The following TCF7L1 variants were observed in gnomAD, a reference collection of about 807,000 sequenced individuals.
The protein encoded by TCF7L1 is transcription factor 7 like 1.
A neutral mutation model predicts 63.7 loss-of-function variants in TCF7L1; 18 were observed. That is an observed-to-expected ratio of 0.28 (90% CI 0.20 to 0.42). The LOEUF (loss-of-function observed/expected upper bound fraction) is 0.42, where lower values mean the gene tolerates loss of function less well. TCF7L1 is among the 10% of genes least tolerant of loss of function. TCF7L1 has a pLI of 1.00. For synonymous variants in TCF7L1, 355 were observed against 340.9 expected, an observed-to-expected ratio of 1.04 and a Z score of -0.46; for missense variants, 654 against 779.3, an observed-to-expected ratio of 0.84 and a Z score of 1.91.
intron 3 of TCF7L1, among the ~76,000 whole-genome samples, chr2:85,236,431 G>A (rs1680194322): frequency 6.6e-6 from 1 of 152,154 alleles, no homozygotes; most frequent in Non-Finnish European, 1.5e-5. Flanking sequence ...TCTGGTGTGG[G>A]TCAGATCCAG....
intron 3 of TCF7L1, among the ~76,000 whole-genome samples, chr2:85,282,967 T>C (rs888285326): frequency 6.6e-6 from 1 of 151,942 alleles, no homozygotes; most frequent in Non-Finnish European, 1.5e-5. Flanking sequence ...TGAGTTGGGG[T>C]AGATGTTGCC....
At chr2:85,186,130 C>T (rs1483550794) in intron 3 of TCF7L1, among the ~76,000 whole-genome samples, 1 of 152,020 alleles carries the variant, frequency 6.6e-6, no homozygotes, top group Non-Finnish European at 1.5e-5. Context: ...CCACGCCTGG[C>T]TAGTTTTTTG....
At chr2:85,153,089 A>T (rs1678057726) in intron 3 of TCF7L1, among the ~76,000 whole-genome samples, 1 of 152,240 alleles carries the variant, frequency 6.6e-6, no homozygotes, top group Non-Finnish European at 1.5e-5. Flanking sequence ...TTACATCATC[A>T]TCAATCAGGC....
At chr2:85,157,691 AG>A (rs1295993915) in intron 3 of TCF7L1, among the ~76,000 whole-genome samples, 1 of 152,258 alleles carries the variant, frequency 6.6e-6, no homozygotes, top group Non-Finnish European at 1.5e-5. Context: ...TGTCCCTAAG[AG>A]GCCCTGAGCT....
intron 3 of TCF7L1, among the ~76,000 whole-genome samples, chr2:85,168,656 C>G (rs1678475885): frequency 6.6e-6 from 1 of 151,974 alleles, no homozygotes; most frequent in Non-Finnish European, 1.5e-5. Flanking sequence ...GAGCCTCACT[C>G]TGTCACCCAG....
intron 3 of TCF7L1, among the ~76,000 whole-genome samples, chr2:85,226,972 C>G (rs550597024): frequency 2.0e-5 from 3 of 151,990 alleles, no homozygotes; most frequent in African/African-American, 7.3e-5. Context: ...CAAATAGCAC[C>G]GCTGCCGCCG....
At chr2:85,302,688 C>T in intron 5 of TCF7L1, 72 bp downstream of exon 5, 1 of 1,545,220 alleles carries the variant, frequency 6.5e-7, no homozygotes, top group Non-Finnish European at 8.7e-7. Flanking sequence ...ACATAACAGC[C>T]CTTGAATCAG....
intron 3 of TCF7L1, among the ~76,000 whole-genome samples, chr2:85,159,522 T>C (rs938006571): frequency 1.3e-5 from 2 of 152,224 alleles, no homozygotes; most frequent in African/African-American, 4.8e-5. Flanking sequence ...ATTGGCTGCC[T>C]GCACTTGGGA....
At chr2:85,214,404 G>A (rs1679644797) in intron 3 of TCF7L1, among the ~76,000 whole-genome samples, 1 of 152,240 alleles carries the variant, frequency 6.6e-6, no homozygotes, top group African/African-American at 2.4e-5. Flanking sequence ...GCCAGTGCCA[G>A]CCGATAGGAC....
At chr2:85,240,338 G>A (rs966675575) in intron 3 of TCF7L1, among the ~76,000 whole-genome samples, 2 of 152,262 alleles carry the variant, frequency 1.3e-5, no homozygotes, top group Non-Finnish European at 2.9e-5. Context: ...GATGAAGGAT[G>A]TTTTAAACCT....
At position 85,134,408 on chromosome 2, in the gene TCF7L1, G is replaced by A; in HGVS notation, c.399G>A (p.Pro133=). 1 of 1,566,558 alleles carries A rather than the reference G, an allele frequency of 6.4e-7. No individual in the cohort carries two copies. The highest frequency in any genetic ancestry group is 1.2e-5 in the South Asian group (1 of 85,316). ...TGATGATCCCGGACCTGAGCAGCCC[G>A]TACCTCTCCAACGGACCCCTGTCTC... The part of the protein sequence containing the change: ...PFLMIPDLSS[P]YLSNGPLSPG... The change falls in exon 3 of 12, where the codon CCG becomes CCA. Residue 133 remains proline, a synonymous_variant. Transcript: ENST00000282111. The surrounding 1 kb of genome is among the most constrained non-coding windows in gnomAD (Gnocchi z 5.0).
intron 3 of TCF7L1, among the ~76,000 whole-genome samples, chr2:85,197,128 G>A (rs1679174954): frequency 6.6e-6 from 1 of 152,206 alleles, no homozygotes; most frequent in Non-Finnish European, 1.5e-5. Context: ...AAAACAGTAT[G>A]TGATTGTATA....
chr2:85,175,052 G>A (rs1482365397), intron 3 of TCF7L1, among the ~76,000 whole-genome samples: 1 of 152,212 alleles, frequency 6.6e-6, no homozygotes, highest in African/African-American at 2.4e-5. Flanking sequence ...CATGGCACAG[G>A]CAGCGCCATG....
rs1278192822 is a variant in TCF7L1, at chr2:85,146,951, TATTG to T, written c.441+12505_441+12508del. ...TTTGCTTTTCTGCACTGTGCAGCTC[TATTG>T]ATTCTGTTTTTCCCAATCTCCAAAT... On this transcript the variant is annotated intron_variant, in intron 3 of 11. Coordinates refer to ENST00000282111, the MANE Select transcript of TCF7L1 (RefSeq NM_031283.3). Among the ~76,000 whole-genome samples, 3 of 152,216 alleles carry T rather than the reference TATTG, an allele frequency of 2.0e-5. No homozygotes were observed. The East Asian group carries it at 5.8e-4, about 29-fold the overall frequency.
chr2:85,247,043 CTGTT>C (rs1366447724), intron 3 of TCF7L1, among the ~76,000 whole-genome samples: 6 of 152,158 alleles, frequency 3.9e-5, no homozygotes, highest in African/African-American at 9.7e-5. Flanking sequence ...TTACCAGGCT[CTGTT>C]TGTTTGCCCC....
At chr2:85,294,025 G>GTTTTTTTTT (rs1558658876) in intron 4 of TCF7L1, among the ~76,000 whole-genome samples, 8 of 70,556 alleles carry the variant, frequency 1.1e-4, no homozygotes, top group African/African-American at 3.8e-4. Context: ...TGAACACTGG[G>GTTTTTTTTT]ATTTTTTTTT....
chr2:85,297,920 A>C (rs1205062526), intron 4 of TCF7L1, among the ~76,000 whole-genome samples: 1 of 151,598 alleles, frequency 6.6e-6, no homozygotes, highest in African/African-American at 2.4e-5. Context: ...CACTGTATTA[A>C]AATATTTTAA....
chr2:85,152,035 AATT>A (rs1186012552), intron 3 of TCF7L1, among the ~76,000 whole-genome samples: 1 of 152,230 alleles, frequency 6.6e-6, no homozygotes, highest in African/African-American at 2.4e-5. Flanking sequence ...ATCCATTTGC[AATT>A]ATTATCCTTA....
At chr2:85,142,205 T>G (rs1291664761) in intron 3 of TCF7L1, among the ~76,000 whole-genome samples, 2 of 152,110 alleles carry the variant, frequency 1.3e-5, no homozygotes, top group South Asian at 2.1e-4. Flanking sequence ...GGCGGGCAGA[T>G]TGCTTGAGCT....
Sources: allele counts gnomAD v4.1 joint callset (sites outside exome capture counted in the v4.1 genomes callset), GRCh38; gene constraint gnomAD v4.1.1; non-coding constraint Gnocchi (gnomAD v3.1); transcripts MANE v1.5; gene names NCBI Gene and HGNC (gene_info 2026-07-23, HGNC 2026-07-21).